Variants in ZNF552 observed in about 807,000 individuals in gnomAD.
ZNF552 encodes the protein zinc finger protein 552.
In ZNF552, 2 loss-of-function variants were observed where a neutral mutation model predicts 7.2. That is an observed-to-expected ratio of 0.28 (90% CI 0.11 to 0.88). The LOEUF is 0.88. ZNF552 is among the 40% of genes least tolerant of loss of function. ZNF552 has a pLI of 0.60. For missense variants in ZNF552, 421 were observed against 493.4 expected (o/e 0.85, Z 1.39); for synonymous variants, 173 against 176.5 (o/e 0.98, Z 0.16).
At chr19:57,814,043 A>T (rs1346609189) in intron 1 of ZNF552, among the ~76,000 whole-genome samples, 1 of 151,584 alleles carries the variant, frequency 6.6e-6, no homozygotes, top group Non-Finnish European at 1.5e-5. Context: ...CCCACCCTCC[A>T]CTTTCTTGTA....
intron 2 of ZNF552, among the ~76,000 whole-genome samples, chr19:57,810,199 G>A (rs1348630610): frequency 2.0e-5 from 3 of 152,016 alleles, no homozygotes; most frequent in Non-Finnish European, 4.4e-5. Flanking sequence ...GCCAGGTGTC[G>A]TGGGTCATGC....
At position 57,808,700 on chromosome 19, in the gene ZNF552, C is replaced by T; in HGVS notation, c.564G>A (p.Glu188=). ...FLLRSGLLQQ[E]ATHTGKSNSK... is the part of the protein sequence containing the mutation. Reference sequence around the variant, plus strand: ...TGTTTGACTTCCCAGTGTGAGTGGCCTCTTGCTGGAGTAATCCTGACCTGA... The same window carrying T: ...TGTTTGACTTCCCAGTGTGAGTGGCTTCTTGCTGGAGTAATCCTGACCTGA... Residue 188 remains glutamate, a synonymous_variant, in exon 3 of 3, where the codon GAG becomes GAA. Coordinates refer to ENST00000391701, the MANE Select transcript of ZNF552 (RefSeq NM_024762.3). 1 of 1,614,198 alleles carries T rather than the reference C, an allele frequency of 6.2e-7. No homozygotes were observed.
At chr19:57,811,395 C>T (rs987726183) in intron 2 of ZNF552, among the ~76,000 whole-genome samples, 2 of 152,056 alleles carry the variant, frequency 1.3e-5, no homozygotes, top group African/African-American at 2.4e-5. Context: ...ATCTCCTGAC[C>T]TCGTGATCCG....
Position 57,808,849 on chromosome 19 carries a change from TC to T in ZNF552, c.414del (p.Asn139MetfsTer80). 1 of 1,613,914 alleles carries T rather than the reference TC, an allele frequency of 6.2e-7. No homozygotes were observed. The highest frequency in any genetic ancestry group is 2.2e-5 in the East Asian group (1 of 44,862). On this transcript the variant is annotated frameshift_variant, in exon 3 of 3. Coordinates refer to ENST00000391701, the MANE Select transcript of ZNF552 (RefSeq NM_024762.3). LOFTEE classifies it low-confidence loss of function (END_TRUNC). ...TAGGGTTTCTCTCCAATGTGCTCAT[TC>T]TGGTGCTGATGAAAGTTTCCACTGT... Reference protein sequence around the residue: ...LYDSGNFHQHQNEHIGEKPYR... With the variant: ...LYDSGNFHQHXNEHIGEKPYR...
In ZNF552 at chr19:57,808,101, T is replaced by G; in HGVS notation, c.1163A>C (p.Lys388Thr). The G allele has an allele frequency of 6.2e-7, 1 of 1,614,076 alleles. No individual in the cohort carries two copies. The highest frequency in any genetic ancestry group is 8.5e-7 in the Non-Finnish European group (1 of 1,179,988). The change falls in exon 3 of 3, where the codon AAA becomes ACA. Residue 388 changes from lysine to threonine, a missense_variant. Lys to Thr is a moderately conservative substitution (Grantham distance 78, BLOSUM62 -1). Around this residue, in one of 2 missense-constraint regions of ZNF552, gnomAD observed 299 missense variants for 293.7 expected, o/e 1.02. Transcript: ENST00000391701. ...KPYGCSECEK[K>T]FRQISSLRHH... ...ACGAAGTGAAGAGATTTGCCTAAAT[T>G]TTTTTTCACATTCACTGCACCCGTA...
chr19:57,813,635 C>A (rs191790631), intron 1 of ZNF552, among the ~76,000 whole-genome samples: 1 of 152,044 alleles, frequency 6.6e-6, no homozygotes, highest in Admixed American at 6.6e-5. Context: ...GAGTCCACCC[C>A]CTCCTGACAG....
Position 57,814,891 on chromosome 19 carries a change from C to T in ZNF552, c.-148G>A. On this transcript the variant is annotated 5_prime_UTR_variant, in exon 1 of 3. Transcript: ENST00000391701. Reference sequence around the variant, plus strand: ...ACACAGCGCTCCAAGGACTCCCTAACGCCAATGGAAATGGTCGCTACTAAA... The same window carrying T: ...ACACAGCGCTCCAAGGACTCCCTAATGCCAATGGAAATGGTCGCTACTAAA... 2 of 820,720 alleles carry T rather than the reference C, an allele frequency of 2.4e-6. No homozygotes were observed. Among genetic ancestry groups the T allele is most frequent in the African/African-American group, 1.7e-5 (1 of 58,096 alleles). The allele number at this position is 820,720 out of a possible 1,614,324, so 50.8% of individuals were successfully genotyped here. A position where few individuals can be genotyped will look rare whatever the true frequency, so the allele number is the denominator to read the frequency against.
At chr19:57,811,736 A>AC (rs1987862300) in intron 2 of ZNF552, among the ~76,000 whole-genome samples, 3 of 150,564 alleles carry the variant, frequency 2.0e-5, no homozygotes, top group African/African-American at 4.9e-5. Context: ...AAAAAAAAAA[A>AC]AACAATGGAG....
rs778552187 is a variant in ZNF552, at chr19:57,813,430, T to C, written c.34-10A>G. The C allele has an allele frequency of 6.2e-6, 10 of 1,611,644 alleles. No homozygotes were observed. The highest frequency in any genetic ancestry group is 4.4e-5 in the South Asian group (4 of 91,056). Reference sequence around the variant, plus strand: ...CAAAAGTCACTGTGCCCTGTTATGATGTTGACAGATGAAACCACAAACCAC... The same window carrying C: ...CAAAAGTCACTGTGCCCTGTTATGACGTTGACAGATGAAACCACAAACCAC... On this transcript the variant is annotated splice_polypyrimidine_tract_variant and intron_variant, in intron 1 of 2. Transcript: ENST00000391701.
chr19:57,814,848 G>C lies in ZNF552; in HGVS notation c.-105C>G, dbSNP rs753999317. 10 of 1,214,254 alleles carry C rather than the reference G, an allele frequency of 8.2e-6. No individual in the cohort carries two copies. The highest frequency in any genetic ancestry group is 1.2e-5 in the Non-Finnish European group (10 of 867,898). 75.2% of individuals were successfully genotyped at this position (1,214,254 alleles called of 1,614,324 possible). A position where few individuals can be genotyped will look rare whatever the true frequency, so the allele number is the denominator to read the frequency against. ...AACGACTCTCGACCTCCTGGATCCA[G>C]TCACCACCACGGTCCCAACACAGCG... On this transcript the variant is annotated 5_prime_UTR_variant, in exon 1 of 3. Transcript: ENST00000391701.
Position 57,808,255 on chromosome 19 carries a change from A to G in ZNF552, c.1009T>C (p.Ser337Pro), listed in dbSNP as rs1452789065. The G allele has an allele frequency of 7.4e-6, 12 of 1,614,142 alleles. No homozygotes were observed. Among genetic ancestry groups the G allele is most frequent in the Non-Finnish European group, 1.0e-5 (12 of 1,180,020 alleles). ...SDCGKSFTHS[S>P]TFRVHKRVHT... ...ACTCTCTTATGAACACGGAATGTAG[A>G]GCTGTGGGTAAATGACTTCCCACAA... is the stretch of plus-strand genomic sequence containing the variant. Residue 337 changes from serine to proline, a missense_variant, in exon 3 of 3, where the codon TCT becomes CCT. Transcript: ENST00000391701.
At chr19:57,811,161 C>CT (rs921761762) in intron 2 of ZNF552, among the ~76,000 whole-genome samples, 2,218 of 141,434 alleles carry the variant, frequency 0.016, 52 homozygotes, top group African/African-American at 0.045. Flanking sequence ...GCCCACTTTT[C>CT]TTTTTTTTTT....
chr19:57,813,975 C>CTCAGGT (rs370406074), intron 1 of ZNF552, among the ~76,000 whole-genome samples: 2 of 79,924 alleles, frequency 2.5e-5, no homozygotes, highest in East Asian at 6.0e-4. Context: ...ACCTCCGGAC[C>CTCAGGT]AACCCGCCTA....
rs749347627 is a variant in ZNF552, at chr19:57,808,162, T to TC, written c.1101_1102insG (p.Thr368AspfsTer2). On this transcript the variant is annotated frameshift_variant, in exon 3 of 3. Transcript: ENST00000391701. LOFTEE classifies it low-confidence loss of function (END_TRUNC). ...CCAGTGTGAACTCTCCTGTGTTTAG[T>TC]GAGACTGGAGCTTTCGGCAAAAGAT... The TC allele has an allele frequency of 6.8e-6, 11 of 1,614,146 alleles. No homozygotes were observed. Among genetic ancestry groups the TC allele is most frequent in the Non-Finnish European group, 8.5e-6 (10 of 1,180,022 alleles).
intron 2 of ZNF552, among the ~76,000 whole-genome samples, chr19:57,810,296 A>C (rs56054509): frequency 0.56 from 85,125 of 151,782 alleles, 24,197 homozygotes; most frequent in East Asian, 0.65. Flanking sequence ...ATGGAGAAAC[A>C]CTGTCTCTAC....
At chr19:57,813,475 A>T (rs1401152130) in intron 1 of ZNF552, 55 bp from the exon 2 acceptor site, 2 of 1,580,800 alleles carry the variant, frequency 1.3e-6, no homozygotes, top group African/African-American at 2.7e-5. Context: ...GAGGTATCAC[A>T]ATCCATCTCT....
rs754953714 is a variant in ZNF552, at chr19:57,808,207, C to T, written c.1057G>A (p.Glu353Lys). ...AAAGATTTCCCACATTCACTGCACT[C>T]ATAAGGCTTCTGACCAGTGTGAACT... ...KRVHTGQKPY[E>K]CSECGKSFAE... is the part of the protein sequence containing the mutation. The change falls in exon 3 of 3, where the codon GAG (glutamate) becomes AAG (lysine). Residue 353 changes from glutamate (E) to lysine (K), a missense_variant. This residue lies in a region of ZNF552 where 299 missense variants were observed against 293.7 expected (regional missense o/e 1.02). Coordinates refer to ENST00000391701, the MANE Select transcript of ZNF552 (RefSeq NM_024762.3). 1.2e-6 allele frequency: 2 copies of T among 1,614,062 alleles called. No homozygotes were observed. Among genetic ancestry groups the T allele is most frequent in the Non-Finnish European group, 1.7e-6 (2 of 1,180,038 alleles).
intron 1 of ZNF552, among the ~76,000 whole-genome samples, chr19:57,814,272 C>T (rs1987915292): frequency 6.6e-6 from 1 of 152,126 alleles, no homozygotes; most frequent in Admixed American, 6.5e-5. Flanking sequence ...CTCAAAGGGC[C>T]CCAACGTCAT....
intron 2 of ZNF552, among the ~76,000 whole-genome samples, chr19:57,810,358 T>TA (rs1368585733): frequency 5.9e-5 from 9 of 152,104 alleles, no homozygotes; most frequent in Non-Finnish European, 1.2e-4. Context: ...ATCAGACTGT[T>TA]ACTGTGTCGA....
Sources: gnomAD v4.1 joint callset for allele counts (sites outside exome capture counted in the v4.1 genomes callset) on GRCh38, gnomAD v4.1.1 for gene constraint, gnomAD v4.1.1 regional missense constraint, MANE v1.5 for transcripts, NCBI Gene and HGNC (gene_info 2026-07-23, HGNC 2026-07-21) for gene names.